FAM167A: variants seen among roughly 807,000 people sequenced by gnomAD.
The protein encoded by FAM167A is protein FAM167A.
FAM167A carries 23 observed loss-of-function variants against 14.9 expected under a neutral mutation model. The observed-to-expected ratio is 1.55, with a 90% confidence interval of 1.11 to 2.19. The LOEUF (loss-of-function observed/expected upper bound fraction) is 2.19. Among genes scored for constraint, FAM167A ranks in the 30% most tolerant of loss-of-function variants. The pLI is 0.00. For missense variants in FAM167A, 401 were observed against 281.5 expected (o/e 1.42, Z -3.04); for synonymous variants, 174 against 117.7 (o/e 1.48, Z -3.10).
At chr8:11,464,256 G>A (rs889246933) in intron 1 of FAM167A, among the ~76,000 whole-genome samples, 1 of 152,108 alleles carries the variant, frequency 6.6e-6, no homozygotes, top group Non-Finnish European at 1.5e-5. Flanking sequence ...TCAGGGTGGG[G>A]AAGAGTTGGC....
At chr8:11,462,762 C>G (rs768317680) in intron 1 of FAM167A, among the ~76,000 whole-genome samples, 1 of 151,546 alleles carries the variant, frequency 6.6e-6, no homozygotes, top group Admixed American at 6.5e-5. Flanking sequence ...CCCTACCCCA[C>G]TCGCAGCCAC....
At chr8:11,431,047 G>A (rs1563361534) in intron 2 of FAM167A, among the ~76,000 whole-genome samples, 1 of 152,184 alleles carries the variant, frequency 6.6e-6, no homozygotes, top group Non-Finnish European at 1.5e-5. Flanking sequence ...ACATGGCAAT[G>A]CCACTCCAGG....
chr8:11,472,544 A>C (rs1807993831), upstream of FAM167A, among the ~76,000 whole-genome samples: 2 of 145,126 alleles, frequency 1.4e-5, no homozygotes, highest in African/African-American at 5.2e-5. Flanking sequence ...GGTTCTAGCG[A>C]TTCTTGCATG....
chr8:11,448,022 C>A (rs966061008), intron 1 of FAM167A, among the ~76,000 whole-genome samples: 1 of 152,028 alleles, frequency 6.6e-6, no homozygotes, highest in Non-Finnish European at 1.5e-5. Context: ...AGTGAAACCC[C>A]GTCTCTACTA....
intron 1 of FAM167A, among the ~76,000 whole-genome samples, chr8:11,463,018 G>C (rs1175875753): frequency 2.0e-5 from 3 of 152,210 alleles, no homozygotes; most frequent in African/African-American, 4.8e-5. Context: ...CAGGGCAGCA[G>C]AGAGCAGATT....
At chr8:11,442,031 T>G (rs1806471318) in intron 2 of FAM167A, among the ~76,000 whole-genome samples, 1 of 152,208 alleles carries the variant, frequency 6.6e-6, no homozygotes. Context: ...ATAAAGCACT[T>G]TTAATAATGC....
chr8:11,424,697 A>G, intron 2 of FAM167A, 61 bp from the exon 3 acceptor site: 3 of 1,588,856 alleles, frequency 1.9e-6, no homozygotes, highest in African/African-American at 2.7e-5. Context: ...TGACAGGCAC[A>G]GACTGGTTAG....
chr8:11,443,051 G>A (rs1341812428), intron 2 of FAM167A, among the ~76,000 whole-genome samples: 1 of 152,242 alleles, frequency 6.6e-6, no homozygotes, highest in Non-Finnish European at 1.5e-5. Context: ...TGCCGGCTCT[G>A]GAAGGCAGCT....
intron 1 of FAM167A, among the ~76,000 whole-genome samples, chr8:11,452,913 G>T (rs1243249346): frequency 6.6e-6 from 1 of 152,194 alleles, no homozygotes; most frequent in African/African-American, 2.4e-5. Context: ...CTTCACGCAG[G>T]AGAAAGTGGA....
chr8:11,470,620 T>C (rs1274367298), upstream of FAM167A, among the ~76,000 whole-genome samples: 1 of 152,128 alleles, frequency 6.6e-6, no homozygotes, highest in African/African-American at 2.4e-5. Context: ...TCCTGATCCC[T>C]TTTGAGTCTA....
rs1327950404 is a variant in FAM167A, at chr8:11,421,771, CAG to C, written c.*2600_*2601del. 3 of 398,776 alleles carry C rather than the reference CAG, an allele frequency of 7.5e-6. No individual in the cohort carries two copies. In the Admixed American group the frequency reaches 1.3e-4, roughly 18 times the overall value. 24.7% of individuals were successfully genotyped at this position (398,776 alleles called of 1,614,324 possible). On this transcript the variant is annotated 3_prime_UTR_variant, in exon 3 of 3. Coordinates refer to ENST00000284486, the MANE Select transcript of FAM167A (RefSeq NM_053279.3). ...TACACCCAGCGATGCTTGGGGATGG[CAG>C]AGAGATGGATGGATAATGAGTACAA...
intron 2 of FAM167A, chr8:11,434,245 C>G (rs371676839): frequency 2.6e-5 from 4 of 152,174 alleles, no homozygotes; most frequent in African/African-American, 7.2e-5. Flanking sequence ...ACTCTCCTGG[C>G]GAGCCGAGGC....
At chr8:11,437,704 T>C (rs1806124223) in intron 2 of FAM167A, among the ~76,000 whole-genome samples, 2 of 152,198 alleles carry the variant, frequency 1.3e-5, no homozygotes, top group African/African-American at 4.8e-5. Flanking sequence ...TAGCAAACGC[T>C]CTAGGTGCCT....
chr8:11,421,727 C>A lies in FAM167A; in HGVS notation c.*2646G>T. 1 of 398,926 alleles carries A rather than the reference C, an allele frequency of 2.5e-6. No individual in the cohort carries two copies. Among genetic ancestry groups the A allele is most frequent in the South Asian group, 1.3e-4 (1 of 7,826 alleles). The allele number at this position is 398,926 out of a possible 1,614,324, so 24.7% of individuals were successfully genotyped here. Reference sequence around the variant, plus strand: ...AAGACATGACCACGCATGGCAGTGTCGGTGGAGAGTTTGCGTTTTACACCC... The same window carrying A: ...AAGACATGACCACGCATGGCAGTGTAGGTGGAGAGTTTGCGTTTTACACCC... On this transcript the variant is annotated 3_prime_UTR_variant, in exon 3 of 3. Transcript: ENST00000284486.
intron 1 of FAM167A, among the ~76,000 whole-genome samples, chr8:11,456,080 TGGG>T (rs1807268479): frequency 1.4e-5 from 2 of 138,870 alleles, no homozygotes; most frequent in Admixed American, 7.2e-5. Flanking sequence ...AGTGTGAGTG[TGGG>T]AGGTGGTTGC....
upstream of FAM167A, among the ~76,000 whole-genome samples, chr8:11,472,241 G>A (rs1034888489): frequency 6.6e-6 from 1 of 151,968 alleles, no homozygotes; most frequent in Non-Finnish European, 1.5e-5. Flanking sequence ...ATCACCTCCC[G>A]TATCCTGCCC....
chr8:11,451,547 G>A (rs1358725323), intron 1 of FAM167A, among the ~76,000 whole-genome samples: 1 of 152,194 alleles, frequency 6.6e-6, no homozygotes, highest in Admixed American at 6.5e-5. Context: ...TGTGTGGAGG[G>A]AGCTCCCCAT....
rs1237749801 is a variant in FAM167A, at chr8:11,421,890, A to C, written c.*2483T>G. The C allele has an allele frequency of 5.0e-6, 2 of 398,542 alleles. No homozygotes were observed. The highest frequency in any genetic ancestry group is 8.8e-6 in the Non-Finnish European group (2 of 226,110). 24.7% of individuals were successfully genotyped at this position (398,542 alleles called of 1,614,324 possible). ...GCTGACTCATAGACCCACAGAGAGC[A>C]GGGACTTCACAAAGCTGAATTAATG... On this transcript the variant is annotated 3_prime_UTR_variant, in exon 3 of 3. Coordinates refer to ENST00000284486, the MANE Select transcript of FAM167A (RefSeq NM_053279.3).
upstream of FAM167A, among the ~76,000 whole-genome samples, chr8:11,472,406 TTTTTG>T (rs1196720084): frequency 2.0e-5 from 3 of 151,682 alleles, no homozygotes; most frequent in African/African-American, 7.3e-5. Context: ...ACAGCATTTG[TTTTTG>T]TTTTGTTTTG....
Sources: allele counts gnomAD v4.1 joint callset (sites outside exome capture counted in the v4.1 genomes callset), GRCh38; gene constraint gnomAD v4.1.1; transcripts MANE v1.5; gene names NCBI Gene and HGNC (gene_info 2026-07-23, HGNC 2026-07-21).